ASXL3: variants seen among roughly 807,000 people sequenced by gnomAD.
ASXL3 encodes the protein putative Polycomb group protein ASXL3.
ASXL3 carries 34 observed loss-of-function variants against 170.6 expected under a neutral mutation model. The observed-to-expected ratio is 0.20, with a 90% CI of 0.15 to 0.27. ASXL3 has a LOEUF of 0.27. ASXL3 is among the 10% of genes least tolerant of loss of function. The probability of loss-of-function intolerance (pLI) is 1.00; values close to 1 mark genes in which losing one functional copy is unlikely to be tolerated. For missense variants in ASXL3, 2,592 were observed against 2,695.3 expected (o/e 0.96, Z 0.85); for synonymous variants, 1,002 against 989.1 (o/e 1.01, Z -0.24).
At chr18:33,602,919 C>T (rs374116177) in intron 1 of ASXL3, among the ~76,000 whole-genome samples, 6 of 151,050 alleles carry the variant, frequency 4.0e-5, no homozygotes, top group Non-Finnish European at 8.9e-5. Flanking sequence ...ACCCCAAAAT[C>T]GTTTACCTTG....
chr18:33,602,998 T>C (rs2065200780), intron 1 of ASXL3, among the ~76,000 whole-genome samples: 1 of 152,078 alleles, frequency 6.6e-6, no homozygotes, highest in Non-Finnish European at 1.5e-5. Flanking sequence ...GATGACACAT[T>C]AATGTTAGAA....
rs2064964489 is a variant in ASXL3, at chr18:33,578,506, C to T, written c.-126C>T. ...CGCCGCCGCCGCCGCCGCCACCGCC[C>T]GCGCGCCTCCCCCCGCGGAGCGAGT... On this transcript the variant is annotated 5_prime_UTR_variant, in exon 1 of 12. Coordinates refer to ENST00000269197, the MANE Select transcript of ASXL3 (RefSeq NM_030632.3). 2 of 402,802 alleles carry T rather than the reference C, an allele frequency of 5.0e-6. No individual in the cohort carries two copies. Among genetic ancestry groups the T allele is most frequent in the African/African-American group, 2.7e-5 (1 of 37,576 alleles). 25.0% of individuals were successfully genotyped at this position (402,802 alleles called of 1,614,324 possible).
At chr18:33,693,678 G>T (rs1220113425) in intron 8 of ASXL3, among the ~76,000 whole-genome samples, 4 of 151,804 alleles carry the variant, frequency 2.6e-5, no homozygotes, top group Non-Finnish European at 2.9e-5. Context: ...GAGAAGAGAT[G>T]GCAGTGGACA....
intron 4 of ASXL3, among the ~76,000 whole-genome samples, chr18:33,661,099 C>T (rs2066166878): frequency 6.6e-6 from 1 of 152,154 alleles, no homozygotes; most frequent in Non-Finnish European, 1.5e-5. Context: ...TTTTCCTTAT[C>T]CATGCTTTAT....
intron 7 of ASXL3, among the ~76,000 whole-genome samples, chr18:33,679,369 ACATCT>A (rs774798160): frequency 4.9e-4 from 75 of 152,236 alleles, no homozygotes; most frequent in Non-Finnish European, 6.8e-4. Flanking sequence ...TACATACCCA[ACATCT>A]CAACTCAACA....
At chr18:33,705,950 C>T (rs1295488721) in intron 8 of ASXL3, among the ~76,000 whole-genome samples, 1 of 151,808 alleles carries the variant, frequency 6.6e-6, no homozygotes, top group African/African-American at 2.4e-5. Context: ...CTTTTTTCAC[C>T]ATCAACTACT....
intron 2 of ASXL3, among the ~76,000 whole-genome samples, chr18:33,609,715 GA>G (rs902194168): frequency 6.6e-6 from 1 of 151,776 alleles, no homozygotes; most frequent in Non-Finnish European, 1.5e-5. Flanking sequence ...CTTCTGTAAG[GA>G]AAAAGAGTCC....
intron 7 of ASXL3, among the ~76,000 whole-genome samples, chr18:33,675,862 CAAT>C (rs1255768217): frequency 3.9e-5 from 6 of 152,044 alleles, no homozygotes; most frequent in African/African-American, 1.4e-4. Flanking sequence ...AATAAAACAA[CAAT>C]AAGAAGAAGA....
chr18:33,693,328 G>A (rs1390899801), intron 8 of ASXL3, among the ~76,000 whole-genome samples: 1 of 152,162 alleles, frequency 6.6e-6, no homozygotes, highest in Non-Finnish European at 1.5e-5. Context: ...ATTTAAGATG[G>A]AAGAGAGAGG....
At chr18:33,635,014 GAGATGA>G (rs1275683334) in intron 2 of ASXL3, among the ~76,000 whole-genome samples, 1 of 152,156 alleles carries the variant, frequency 6.6e-6, no homozygotes, top group Non-Finnish European at 1.5e-5. Flanking sequence ...TAGCTTTTAG[GAGATGA>G]AGATGAGGGG....
chr18:33,744,680 A>C lies in ASXL3; in HGVS notation c.4832A>C (p.Asp1611Ala), dbSNP rs755454052. 5 of 1,610,182 alleles carry C rather than the reference A, an allele frequency of 3.1e-6. No homozygotes were observed. In the South Asian group the frequency reaches 5.5e-5, roughly 18 times the overall value. Residue 1611 changes from aspartate to alanine, a missense_variant, in exon 12 of 12, where the codon GAT (aspartate) becomes GCT (alanine). Around this residue, in one of 4 missense-constraint regions of ASXL3, gnomAD observed 2,246 missense variants for 2,219.6 expected, o/e 1.01. Coordinates refer to ENST00000269197, the MANE Select transcript of ASXL3 (RefSeq NM_030632.3). ...CCAAGTAACCGGATTTGCTGGAATG[A>C]TGATGGGATGAGGAGCACAGGACAG... ...YNPSNRICWNDDGMRSTGQPL... is the reference protein window; with the variant it reads ...YNPSNRICWNADGMRSTGQPL...
At chr18:33,668,273 A>G (rs1361140512) in intron 5 of ASXL3, among the ~76,000 whole-genome samples, 2 of 152,074 alleles carry the variant, frequency 1.3e-5, no homozygotes, top group Non-Finnish European at 2.9e-5. Context: ...TAAAAACAAA[A>G]AAATATTAGC....
At chr18:33,698,824 C>T (rs2066818220) in intron 8 of ASXL3, among the ~76,000 whole-genome samples, 1 of 152,054 alleles carries the variant, frequency 6.6e-6, no homozygotes, top group Admixed American at 6.6e-5. Context: ...AACACTGTCT[C>T]TGGGGAAAAT....
chr18:33,632,988 A>G (rs950458165), intron 2 of ASXL3, among the ~76,000 whole-genome samples: 8 of 152,056 alleles, frequency 5.3e-5, no homozygotes, highest in African/African-American at 1.9e-4. Context: ...TTCCTATCCT[A>G]TTCGCTCTTC....
chr18:33,732,265 A>G (rs1599554925), intron 9 of ASXL3, among the ~76,000 whole-genome samples: 1 of 152,210 alleles, frequency 6.6e-6, no homozygotes, highest in South Asian at 2.1e-4. Context: ...TGAAGAAAGC[A>G]TAATTTTATC....
intron 8 of ASXL3, among the ~76,000 whole-genome samples, chr18:33,697,790 GC>G (rs1471489139): frequency 2.6e-5 from 4 of 151,910 alleles, no homozygotes; most frequent in African/African-American, 9.7e-5. Context: ...GATGACTTGA[GC>G]CCCATAGTTT....
intron 10 of ASXL3, among the ~76,000 whole-genome samples, chr18:33,736,988 C>T (rs950329198): frequency 1.3e-5 from 2 of 152,094 alleles, no homozygotes; most frequent in African/African-American, 4.8e-5. Flanking sequence ...ATGTTACATA[C>T]TTATTCTAGT....
rs1212968006 is a variant in ASXL3 at position 33,738,500 on chromosome 18, A to G, written c.1096A>G (p.Arg366Gly). 3 of 1,609,118 alleles carry G rather than the reference A, an allele frequency of 1.9e-6. No individual in the cohort carries two copies. The highest frequency in any genetic ancestry group is 1.3e-5 in the African/African-American group (1 of 74,714). ...RFYGEKLGMS[R>G]EESVKLTTGP... Reference sequence around the variant, plus strand: ...ATTTCTGTACAGGCTGGGCATGTCAAGAGAGGAATCTGTGAAGCTCACTAC... The same window carrying G: ...ATTTCTGTACAGGCTGGGCATGTCAGGAGAGGAATCTGTGAAGCTCACTAC... Residue 366 changes from arginine (R) to glycine (G), a missense_variant, in exon 11 of 12, where the codon AGA becomes GGA. By Grantham distance (125) the Arg-to-Gly change is moderately radical (BLOSUM62 -2). Around this residue, in one of 4 missense-constraint regions of ASXL3, gnomAD observed 2,246 missense variants for 2,219.6 expected, o/e 1.01. Coordinates refer to ENST00000269197, the MANE Select transcript of ASXL3 (RefSeq NM_030632.3).
chr18:33,626,701 C>T (rs1273302308), intron 2 of ASXL3: 4 of 152,044 alleles, frequency 2.6e-5, no homozygotes, highest in African/African-American at 9.7e-5. Flanking sequence ...TTTAAGTTTA[C>T]CTTCTGCTAT....
Sources: gnomAD v4.1 joint callset for allele counts (sites outside exome capture counted in the v4.1 genomes callset) on GRCh38, gnomAD v4.1.1 for gene constraint, gnomAD v4.1.1 regional missense constraint, MANE v1.5 for transcripts, NCBI Gene and HGNC (gene_info 2026-07-23, HGNC 2026-07-21) for gene names.